Variants in MPPED1 observed in about 807,000 individuals in gnomAD.
MPPED1 encodes the protein metallophosphoesterase domain-containing protein 1.
Under a neutral mutation model 36.2 loss-of-function variants are expected in MPPED1, and 16 were observed. The observed-to-expected ratio is 0.44, with a 90% confidence interval of 0.30 to 0.67. MPPED1 has a LOEUF of 0.67. Ranked by LOEUF, MPPED1 falls within the 30% of genes least tolerant of loss-of-function variation. MPPED1 has a pLI of 0.10. For synonymous variants in MPPED1, 199 were observed against 191.3 expected (o/e 1.04, Z -0.33); for missense variants, 307 against 453.4 (o/e 0.68, Z 2.93).
chr22:43,418,097 T>C (rs1311987586), intron 1 of MPPED1: 1 of 456,250 alleles, frequency 2.2e-6, no homozygotes, highest in South Asian at 1.5e-5. Flanking sequence ...GAGCTGCCGA[T>C]GAATGGAAGA....
intron 1 of MPPED1, chr22:43,417,637 C>G (rs1929121976): frequency 6.3e-6 from 1 of 158,934 alleles, no homozygotes; most frequent in South Asian, 1.8e-4. Context: ...TAAATATTAT[C>G]TCCTGCATTT....
intron 5 of MPPED1, among the ~76,000 whole-genome samples, chr22:43,498,683 G>A (rs1426353615): frequency 6.6e-6 from 1 of 151,880 alleles, no homozygotes; most frequent in African/African-American, 2.4e-5. Flanking sequence ...CCCTGCACAG[G>A]GCTTCCTCCG....
At chr22:43,479,833 G>C (rs553671404) in intron 4 of MPPED1, among the ~76,000 whole-genome samples, 2 of 152,320 alleles carry the variant, frequency 1.3e-5, no homozygotes, top group South Asian at 4.1e-4. Flanking sequence ...TTACCACTAA[G>C]AGATACTCTG....
chr22:43,469,121 C>G (rs1601987567), intron 3 of MPPED1, among the ~76,000 whole-genome samples: 1 of 152,116 alleles, frequency 6.6e-6, no homozygotes, highest in Non-Finnish European at 1.5e-5. Context: ...GCTTGGAGAA[C>G]AGCTACTTTC....
Position 43,474,649 on chromosome 22 carries a change from C to T in MPPED1, c.407-87C>T. On this transcript the variant is annotated intron_variant, in intron 3 of 6. Coordinates refer to ENST00000443721, the MANE Select transcript of MPPED1 (RefSeq NM_001044370.2). The surrounding 1 kb of genome is among the most constrained non-coding windows in gnomAD (Gnocchi z 5.2). ...TGACCAGGAGTTCATGCAGCTTCCT[C>T]CTGCCCGCCCCTCTCTCAGCCGTGC... 1.9e-6 allele frequency: 3 copies of T among 1,550,920 alleles called. No individual in the cohort carries two copies. Among genetic ancestry groups the T allele is most frequent in the Non-Finnish European group, 2.7e-6 (3 of 1,130,646 alleles).
intron 1 of MPPED1, chr22:43,418,137 C>T (rs144331120): frequency 3.2e-4 from 145 of 456,300 alleles, no homozygotes; most frequent in Non-Finnish European, 4.8e-4. Context: ...GGGATGGCTG[C>T]CTTACCGGCC....
intron 1 of MPPED1, among the ~76,000 whole-genome samples, chr22:43,413,310 G>A (rs1388110694): frequency 1.6e-4 from 24 of 151,254 alleles, no homozygotes; most frequent in Non-Finnish European, 2.9e-5. Context: ...TGTTAGCAGG[G>A]ATCTGCGGCG....
At chr22:43,440,919 C>T (rs2146840998) in intron 3 of MPPED1, among the ~76,000 whole-genome samples, 1 of 152,254 alleles carries the variant, frequency 6.6e-6, no homozygotes, top group East Asian at 1.9e-4. Flanking sequence ...CCTTTTCCAT[C>T]TCCTCCTTTT....
intron 1 of MPPED1, among the ~76,000 whole-genome samples, chr22:43,421,242 C>G (rs915255111): frequency 6.6e-6 from 1 of 152,260 alleles, no homozygotes; most frequent in Non-Finnish European, 1.5e-5. Context: ...CCTCCTCGCA[C>G]GGTGGCTAAC....
intron 3 of MPPED1, among the ~76,000 whole-genome samples, chr22:43,440,315 T>G (rs1315761521): frequency 2.0e-5 from 3 of 152,156 alleles, no homozygotes; most frequent in African/African-American, 4.8e-5. Flanking sequence ...GGAGCGTAAG[T>G]TGAGTTGGGG....
At chr22:43,439,906 C>T (rs1930090226) in intron 3 of MPPED1, among the ~76,000 whole-genome samples, 1 of 152,242 alleles carries the variant, frequency 6.6e-6, no homozygotes. Flanking sequence ...CCTTGTGAAG[C>T]CTCCCCCAAC....
intron 3 of MPPED1, among the ~76,000 whole-genome samples, chr22:43,456,428 G>A (rs923144020): frequency 6.6e-5 from 10 of 152,148 alleles, no homozygotes; most frequent in Admixed American, 6.5e-4. Context: ...TGCCCAGCTC[G>A]CTGAGGGACC....
In MPPED1 at chr22:43,428,736, G is replaced by A. The variant is rs563961607; in HGVS notation, c.224+3527G>A. 5.5e-4 allele frequency among the ~76,000 whole-genome samples: 83 copies of A among 152,188 alleles called. No individual in the cohort carries two copies. The South Asian group carries it at 0.016, about 30-fold the overall frequency. On this transcript the variant is annotated intron_variant, in intron 2 of 6. Coordinates refer to ENST00000443721, the MANE Select transcript of MPPED1 (RefSeq NM_001044370.2). ...CAGAGACTCTGCTGGTGACGAGGCC[G>A]CCTTTGCTTGGGTAATGAATCTCCG...
At chr22:43,499,768 TGGTGATGGTGGA>T in intron 5 of MPPED1, among the ~76,000 whole-genome samples, 3 of 51,936 alleles carry the variant, frequency 5.8e-5, no homozygotes, top group Admixed American at 1.8e-4. Context: ...GAGGTGGCGG[TGGTGATGGTGGA>T]GGTGGTGGTG....
Position 43,414,292 on chromosome 22 carries a change from G to A in MPPED1, c.-79+2134G>A, listed in dbSNP as rs377475644. 9.2e-5 allele frequency among the ~76,000 whole-genome samples: 14 copies of A among 152,170 alleles called. 1 individual carries two copies. Among genetic ancestry groups the A allele is most frequent in the African/African-American group, 3.4e-4 (14 of 41,528 alleles). ...TGAACTTTGCTACCTTCCCAACTAGGCAGTACGGGCCTTGGTATGCTCACT... is the reference window on the plus strand; with the variant it reads ...TGAACTTTGCTACCTTCCCAACTAGACAGTACGGGCCTTGGTATGCTCACT... On this transcript the variant is annotated intron_variant, in intron 1 of 6. Transcript: ENST00000443721.
chr22:43,417,033 A>G, intron 1 of MPPED1: 1 of 984,844 alleles, frequency 1.0e-6, no homozygotes, highest in Non-Finnish European at 1.2e-6. Flanking sequence ...CACTCTTCAT[A>G]TTCCGAAATA....
At chr22:43,478,399 C>T (rs73167988) in intron 4 of MPPED1, among the ~76,000 whole-genome samples, 10,694 of 152,228 alleles carry the variant, frequency 0.07, 422 homozygotes, top group Middle Eastern at 0.11. Flanking sequence ...CAGACAGACA[C>T]TGCTGCTGCC....
At position 43,506,904 on chromosome 22, in the gene MPPED1, A is replaced by C. The variant is rs1263964019; in HGVS notation, c.*1288A>C. 6.6e-6 allele frequency: 1 copy of C among 152,188 alleles called. No individual in the cohort carries two copies. Among genetic ancestry groups the C allele is most frequent in the Non-Finnish European group, 1.5e-5 (1 of 68,028 alleles). 9.4% of individuals were successfully genotyped at this position (152,188 alleles called of 1,614,324 possible). On this transcript the variant is annotated 3_prime_UTR_variant, in exon 7 of 7. Coordinates refer to ENST00000443721, the MANE Select transcript of MPPED1 (RefSeq NM_001044370.2). Reference sequence around the variant, plus strand: ...TTGATTTTTAACGTTGCATTAAAGTAGTATTATTTGTCCTGATTGGTGACT... The same window carrying C: ...TTGATTTTTAACGTTGCATTAAAGTCGTATTATTTGTCCTGATTGGTGACT...
intron 3 of MPPED1, among the ~76,000 whole-genome samples, chr22:43,464,546 G>A (rs967581533): frequency 1.6e-4 from 24 of 152,140 alleles, no homozygotes; most frequent in Non-Finnish European, 3.4e-4. Flanking sequence ...GGGGCTCTCT[G>A]GAGTTTTTGT....
Sources: allele counts gnomAD v4.1 joint callset (sites outside exome capture counted in the v4.1 genomes callset), GRCh38; gene constraint gnomAD v4.1.1; non-coding constraint Gnocchi (gnomAD v3.1); transcripts MANE v1.5; gene names NCBI Gene and HGNC (gene_info 2026-07-23, HGNC 2026-07-21).